DENND5A: variants seen among roughly 807,000 people sequenced by gnomAD.
DENND5A encodes DENN domain-containing protein 5A.
DENND5A carries 64 observed loss-of-function variants against 140.3 expected under a neutral mutation model. The observed-to-expected ratio is 0.46, with a 90% CI of 0.37 to 0.56. DENND5A has a LOEUF of 0.56. Ranked by LOEUF, DENND5A falls within the 20% of genes least tolerant of loss-of-function variation. The probability of loss-of-function intolerance (pLI) is 0.00; values close to 1 mark genes in which losing one functional copy is unlikely to be tolerated. For synonymous variants in DENND5A, 605 were observed against 607.7 expected (o/e 1.00, Z 0.07); for missense variants, 1,292 against 1,593.8 (o/e 0.81, Z 3.22).
chr11:9,256,698 T>C (rs1383565115), intron 1 of DENND5A, among the ~76,000 whole-genome samples: 1 of 152,070 alleles, frequency 6.6e-6, no homozygotes, highest in Non-Finnish European at 1.5e-5. Context: ...TCTATAGAGA[T>C]AGAAAGTAGA....
At chr11:9,184,332 G>A (rs1163071157) in intron 5 of DENND5A, among the ~76,000 whole-genome samples, 2 of 151,548 alleles carry the variant, frequency 1.3e-5, no homozygotes, top group Non-Finnish European at 2.9e-5. Context: ...CAGCCTGGGC[G>A]ACAGAGCGAG....
intron 1 of DENND5A, among the ~76,000 whole-genome samples, chr11:9,253,066 T>C (rs1243247836): frequency 6.6e-6 from 1 of 151,966 alleles, no homozygotes; most frequent in Admixed American, 6.6e-5. Flanking sequence ...TGCCCAGGAT[T>C]GTCTCAAACT....
intron 1 of DENND5A, among the ~76,000 whole-genome samples, chr11:9,249,896 G>A (rs1185850797): frequency 6.6e-6 from 1 of 151,660 alleles, no homozygotes; most frequent in Non-Finnish European, 1.5e-5. Flanking sequence ...TACGTTGCCC[G>A]GGCTAGCCTC....
At chr11:9,146,604 C>T (rs537870495) in intron 16 of DENND5A, among the ~76,000 whole-genome samples, 9 of 152,224 alleles carry the variant, frequency 5.9e-5, no homozygotes, top group Non-Finnish European at 1.2e-4. Flanking sequence ...CTTTCTGCTA[C>T]CTCAGAAAAG....
At chr11:9,200,965 C>T (rs1849501304) in intron 4 of DENND5A, among the ~76,000 whole-genome samples, 1 of 152,086 alleles carries the variant, frequency 6.6e-6, no homozygotes. Context: ...AAAAGCCCTG[C>T]CATTGTGGAG....
At chr11:9,161,790 G>A (rs895098941) in intron 11 of DENND5A, among the ~76,000 whole-genome samples, 2 of 151,864 alleles carry the variant, frequency 1.3e-5, no homozygotes, top group African/African-American at 4.8e-5. Flanking sequence ...TTACCAATAC[G>A]GAAATTGAGA....
chr11:9,205,237 AG>A (rs1849656166), intron 3 of DENND5A, among the ~76,000 whole-genome samples: 1 of 152,186 alleles, frequency 6.6e-6, no homozygotes, highest in Admixed American at 6.5e-5. Flanking sequence ...TCTAATTCAG[AG>A]GGGTTATATA....
intron 1 of DENND5A, among the ~76,000 whole-genome samples, chr11:9,250,608 C>G (rs1851677197): frequency 6.6e-6 from 1 of 152,138 alleles, no homozygotes; most frequent in Non-Finnish European, 1.5e-5. Context: ...ATCTTTCTAA[C>G]TTGGTGGGTA....
intron 1 of DENND5A, among the ~76,000 whole-genome samples, chr11:9,209,558 C>T (rs945871626): frequency 6.6e-6 from 1 of 152,134 alleles, no homozygotes; most frequent in African/African-American, 2.4e-5. Context: ...AAATAAAGGA[C>T]TATACGGGGT....
Position 9,228,477 on chromosome 11 carries a change from G to A in DENND5A, c.110-20845C>T, listed in dbSNP as rs557430525. Among the ~76,000 whole-genome samples the A allele has an allele frequency of 9.7e-4, 148 of 152,174 alleles. 1 individual carries two copies. The highest frequency in any genetic ancestry group is 3.0e-3 in the African/African-American group (126 of 41,528). On this transcript the variant is annotated intron_variant, in intron 1 of 22. Transcript: ENST00000328194. The stretch of plus-strand genomic sequence containing the variant: ...TTTGAAAACCCATAAGGCCAGGTGC[G>A]GTGGCTCATGCTTGCAATCCTGGCA...
chr11:9,147,102 G>A lies in DENND5A; in HGVS notation c.2785C>T (p.Gln929Ter), dbSNP rs1554910768. The A allele has an allele frequency of 6.2e-7, 1 of 1,613,948 alleles. No homozygotes were observed. The part of the protein sequence containing the change: ...AFLRCDDEKE[Q>*]FLYHLLSFNA... ...AAAGACAGGAGGTGATAGAGGAACT[G>A]CTCCTTCTCGTCATCACAGCGCAGG... Residue 929 changes from glutamine (Q) to a stop codon, truncating the protein, a stop_gained, in exon 16 of 23, where the codon CAG becomes TAG. Coordinates refer to ENST00000328194, the MANE Select transcript of DENND5A (RefSeq NM_015213.4). LOFTEE classifies it high-confidence loss of function.
chr11:9,206,537 A>G (rs1849696662), intron 3 of DENND5A, 136 bp downstream of exon 3: 1 of 680,390 alleles, frequency 1.5e-6, no homozygotes, highest in Admixed American at 2.8e-5. Context: ...GCAGAATAAT[A>G]AACAATATGC....
At chr11:9,186,662 A>T (rs151287230) in intron 5 of DENND5A, among the ~76,000 whole-genome samples, 22 of 152,366 alleles carry the variant, frequency 1.4e-4, no homozygotes, top group African/African-American at 4.8e-4. Context: ...AGAGGTGGGT[A>T]GAGAAGAAAT....
chr11:9,149,415 A>C (rs1847538255), intron 15 of DENND5A, among the ~76,000 whole-genome samples: 1 of 152,240 alleles, frequency 6.6e-6, no homozygotes, highest in Non-Finnish European at 1.5e-5. Context: ...CAATGAAAGC[A>C]AACTTCAGTA....
chr11:9,194,907 C>CG (rs1849267203), intron 4 of DENND5A, among the ~76,000 whole-genome samples: 1 of 150,710 alleles, frequency 6.6e-6, no homozygotes, highest in Admixed American at 6.6e-5. Flanking sequence ...TTGGTAGAGA[C>CG]GGGGTTTCAC....
At chr11:9,169,258 C>T (rs1435459035) in intron 10 of DENND5A, among the ~76,000 whole-genome samples, 1 of 152,044 alleles carries the variant, frequency 6.6e-6, no homozygotes, top group Non-Finnish European at 1.5e-5. Context: ...ACCAGCCTGG[C>T]CAACGTGGTG....
chr11:9,140,763 T>G (rs1164268542), intron 22 of DENND5A, among the ~76,000 whole-genome samples: 1 of 152,228 alleles, frequency 6.6e-6, no homozygotes, highest in Non-Finnish European at 1.5e-5. Flanking sequence ...GCATATTGTA[T>G]GAATGTACAC....
chr11:9,179,078 A>G lies in DENND5A; in HGVS notation c.1456-5T>C. 6.2e-7 allele frequency: 1 copy of G among 1,611,358 alleles called. No homozygotes were observed. Among genetic ancestry groups the G allele is most frequent in the Non-Finnish European group, 8.5e-7 (1 of 1,178,242 alleles). ...GGGGTCTTCACGCACTTCCAACTAC[A>G]AAAAAAGAAAAAGCAGTTGAGAACA... On this transcript the variant is annotated splice_polypyrimidine_tract_variant and splice_region_variant and intron_variant, in intron 6 of 22. Coordinates refer to ENST00000328194, the MANE Select transcript of DENND5A (RefSeq NM_015213.4).
intron 8 of DENND5A, among the ~76,000 whole-genome samples, chr11:9,172,481 T>C (rs1210407225): frequency 2.0e-5 from 3 of 152,186 alleles, no homozygotes; most frequent in Admixed American, 2.0e-4. Flanking sequence ...ACTGTAATAA[T>C]CCCCATGTGT....
Sources: gnomAD v4.1 joint callset for allele counts (sites outside exome capture counted in the v4.1 genomes callset) on GRCh38, gnomAD v4.1.1 for gene constraint, MANE v1.5 for transcripts, NCBI Gene and HGNC (gene_info 2026-07-23, HGNC 2026-07-21) for gene names.